ALCAM: variants seen among roughly 807,000 people sequenced by gnomAD.
ALCAM encodes CD166 antigen.
In ALCAM, 30 loss-of-function variants were observed where a neutral mutation model predicts 70.9. The observed-to-expected ratio is 0.42, with a 90% CI of 0.32 to 0.57. ALCAM has a LOEUF of 0.57. ALCAM is among the 20% of genes least tolerant of loss of function. The pLI is 0.11. For missense variants in ALCAM, 591 were observed against 695.1 expected (o/e 0.85, Z 1.68); for synonymous variants, 249 against 242.5 (o/e 1.03, Z -0.25).
intron 1 of ALCAM, among the ~76,000 whole-genome samples, chr3:105,390,340 A>G (rs1259593557): frequency 6.6e-6 from 1 of 152,066 alleles, no homozygotes; most frequent in Non-Finnish European, 1.5e-5. Flanking sequence ...CATTTCTCTA[A>G]TGATTAGTGA....
intron 1 of ALCAM, among the ~76,000 whole-genome samples, chr3:105,403,360 T>C (rs969841001): frequency 5.9e-5 from 9 of 152,114 alleles, no homozygotes; most frequent in Admixed American, 5.2e-4. Flanking sequence ...ACTCCCCTGA[T>C]ACCTTCACCG....
intron 14 of ALCAM, among the ~76,000 whole-genome samples, chr3:105,568,432 G>A (rs2152635641): frequency 6.6e-6 from 1 of 152,042 alleles, no homozygotes; most frequent in Middle Eastern, 3.4e-3. Flanking sequence ...TTTTTTCTGG[G>A]GTTTCAGTAC....
chr3:105,432,546 T>A (rs1411489967), intron 1 of ALCAM, among the ~76,000 whole-genome samples: 2 of 152,084 alleles, frequency 1.3e-5, no homozygotes, highest in African/African-American at 4.8e-5. Context: ...TTAAAAGGTT[T>A]TTGTTTTTTT....
intron 1 of ALCAM, among the ~76,000 whole-genome samples, chr3:105,505,002 A>G (rs1939033093): frequency 6.6e-6 from 1 of 152,118 alleles, no homozygotes. Flanking sequence ...TAAGTAACTC[A>G]CTAGAAGTCA....
intron 5 of ALCAM, 149 bp downstream of exon 5, chr3:105,533,839 G>T: frequency 1.6e-6 from 1 of 606,274 alleles, no homozygotes. Context: ...GGATCAGGGT[G>T]GGGGGATGGT....
At chr3:105,436,494 A>AT (rs1937052654) in intron 1 of ALCAM, among the ~76,000 whole-genome samples, 2 of 151,718 alleles carry the variant, frequency 1.3e-5, no homozygotes, top group African/African-American at 2.4e-5. Flanking sequence ...CACCCGGCTA[A>AT]TTTTTTGTAT....
At chr3:105,477,275 C>G (rs751381580) in intron 1 of ALCAM, among the ~76,000 whole-genome samples, 3 of 151,974 alleles carry the variant, frequency 2.0e-5, no homozygotes, top group Non-Finnish European at 2.9e-5. Context: ...AAGTTTTGAG[C>G]TCATTTGGTA....
At chr3:105,397,683 A>G (rs1257713567) in intron 1 of ALCAM, among the ~76,000 whole-genome samples, 1 of 152,034 alleles carries the variant, frequency 6.6e-6, no homozygotes, top group African/African-American at 2.4e-5. Flanking sequence ...ATTTACGTAT[A>G]ATGATTGTCA....
chr3:105,393,989 C>T (rs1028819736), intron 1 of ALCAM, among the ~76,000 whole-genome samples: 1 of 151,798 alleles, frequency 6.6e-6, no homozygotes, highest in East Asian at 1.9e-4. Flanking sequence ...TCAGTAATAT[C>T]AAAATACTGT....
chr3:105,456,423 C>T (rs1358200251), intron 1 of ALCAM, among the ~76,000 whole-genome samples: 1 of 152,152 alleles, frequency 6.6e-6, no homozygotes, highest in African/African-American at 2.4e-5. Flanking sequence ...CAAAATTGAG[C>T]CCTTAAAAAT....
chr3:105,507,166 C>T (rs999741920), intron 1 of ALCAM, among the ~76,000 whole-genome samples: 2 of 151,972 alleles, frequency 1.3e-5, no homozygotes, highest in African/African-American at 4.8e-5. Flanking sequence ...CTATATAGGC[C>T]CGCAATTCCC....
Position 105,576,079 on chromosome 3 carries a change from T to G in ALCAM, c.*1628T>G, listed in dbSNP as rs1940957478. ...CCGTAGTGCATTGGTATGGATTAAA[T>G]GCATAAAATATTCTTAGACTCGATG... On this transcript the variant is annotated 3_prime_UTR_variant, in exon 16 of 16. Coordinates refer to ENST00000306107, the MANE Select transcript of ALCAM (RefSeq NM_001627.4). 6.6e-6 allele frequency: 1 copy of G among 152,366 alleles called. No homozygotes were observed. The highest frequency in any genetic ancestry group is 6.5e-5 in the Admixed American group (1 of 15,268). The allele number at this position is 152,366 out of a possible 1,614,324, so 9.4% of individuals were successfully genotyped here.
intron 1 of ALCAM, among the ~76,000 whole-genome samples, chr3:105,376,219 A>G (rs1337648597): frequency 2.0e-5 from 3 of 152,110 alleles, no homozygotes; most frequent in East Asian, 3.8e-4. Flanking sequence ...AAAAATGAGA[A>G]TGTTCTTTTG....
intron 1 of ALCAM, among the ~76,000 whole-genome samples, chr3:105,419,703 A>G (rs776637444): frequency 7.9e-5 from 12 of 151,836 alleles, no homozygotes; most frequent in Non-Finnish European, 1.8e-4. Context: ...AGTTGTCCCA[A>G]AGGAGTCTTA....
intron 1 of ALCAM, among the ~76,000 whole-genome samples, chr3:105,391,359 T>C (rs2107353486): frequency 6.6e-6 from 1 of 152,246 alleles, no homozygotes; most frequent in African/African-American, 2.4e-5. Context: ...TTTGTAGAAA[T>C]TGTGAATGGG....
chr3:105,533,609 G>T lies in ALCAM; in HGVS notation c.466G>T (p.Asp156Tyr). Residue 156 changes from aspartate (D) to tyrosine (Y), a missense_variant, in exon 5 of 16, where the codon GAC becomes TAC. Around this residue, in one of 2 missense-constraint regions of ALCAM, gnomAD observed 427 missense variants for 450.4 expected, o/e 0.95. Coordinates refer to ENST00000306107, the MANE Select transcript of ALCAM (RefSeq NM_001627.4). ...TTGCCTTTTTATTTTGCAGTTGGGT[G>T]ACTGCATTTCAGAAGACAGTTATCC... ...LETEQLKKLG[D>Y]CISEDSYPDG... 1.2e-6 allele frequency: 2 copies of T among 1,610,922 alleles called. No individual in the cohort carries two copies. Among genetic ancestry groups the T allele is most frequent in the South Asian group, 2.2e-5 (2 of 90,894 alleles).
At chr3:105,507,221 C>A (rs1366173960) in intron 1 of ALCAM, among the ~76,000 whole-genome samples, 1 of 152,010 alleles carries the variant, frequency 6.6e-6, no homozygotes, top group African/African-American at 2.4e-5. Context: ...TTATTAACAT[C>A]TTTGCATTAG....
chr3:105,545,043 G>A (rs1940210870), intron 8 of ALCAM, 180 bp from the exon 9 acceptor site: 3 of 548,546 alleles, frequency 5.5e-6, no homozygotes, highest in Non-Finnish European at 6.8e-6. Flanking sequence ...TAGTCTCAAG[G>A]CTGGCTTGAA....
intron 1 of ALCAM, among the ~76,000 whole-genome samples, chr3:105,416,790 A>G (rs1172180089): frequency 6.6e-6 from 1 of 151,994 alleles, no homozygotes; most frequent in Admixed American, 6.6e-5. Flanking sequence ...AAATGTTAAT[A>G]AATTAGATAT....
Sources: allele counts gnomAD v4.1 joint callset (sites outside exome capture counted in the v4.1 genomes callset), GRCh38; gene constraint gnomAD v4.1.1; regional missense constraint gnomAD v4.1.1; transcripts MANE v1.5; gene names NCBI Gene and HGNC (gene_info 2026-07-23, HGNC 2026-07-21).